Variants in GCC2 observed in about 807,000 individuals in gnomAD.
The protein encoded by GCC2 is GRIP and coiled-coil domain containing 2, also known as GRIP and coiled-coil domain-containing protein 2.
GCC2 carries 120 observed loss-of-function variants against 210.6 expected under a neutral mutation model. The observed-to-expected ratio is 0.57, with a 90% confidence interval of 0.49 to 0.66. The LOEUF (loss-of-function observed/expected upper bound fraction) is 0.66, where lower values mean the gene tolerates loss of function less well. Ranked by LOEUF, GCC2 falls within the 30% of genes least tolerant of loss-of-function variation. GCC2 has a pLI of 0.00. For missense variants in GCC2, 1,868 were observed against 1,871.9 expected (o/e 1.00, Z 0.04); for synonymous variants, 703 against 652.7 (o/e 1.08, Z -1.17).
rs1427602721 is a variant in GCC2 at position 108,470,920 on chromosome 2, G to A, written c.1591G>A (p.Asp531Asn). The A allele has an allele frequency of 1.4e-5, 23 of 1,613,432 alleles. No homozygotes were observed. The highest frequency in any genetic ancestry group is 1.6e-4 in the Middle Eastern group (1 of 6,080). Residue 531 changes from aspartate to asparagine, a missense_variant, in exon 6 of 23, where the codon GAT (aspartate) becomes AAT (asparagine). Coordinates refer to ENST00000309863, the MANE Select transcript of GCC2 (RefSeq NM_181453.4). ...GCTCAGAACTGCTTTTACTGAAAAA[G>A]ATGCCCTTCTCGAAACTGTGAATCG... The part of the protein sequence containing the change: ...QKLRTAFTEK[D>N]ALLETVNRLQ...
intron 4 of GCC2, among the ~76,000 whole-genome samples, chr2:108,461,133 T>C (rs185590330): frequency 6.6e-6 from 1 of 152,364 alleles, no homozygotes; most frequent in East Asian, 1.9e-4. Flanking sequence ...GAGTTTTTCC[T>C]TCAGCATTTT....
intron 6 of GCC2, among the ~76,000 whole-genome samples, chr2:108,472,460 A>G (rs1157633940): frequency 2.0e-5 from 3 of 152,170 alleles, no homozygotes; most frequent in Non-Finnish European, 4.4e-5. Flanking sequence ...TATTTTTTGT[A>G]AAGAGCACTT....
At chr2:108,465,018 G>A (rs1484287119) in intron 4 of GCC2, among the ~76,000 whole-genome samples, 1 of 152,182 alleles carries the variant, frequency 6.6e-6, no homozygotes, top group Non-Finnish European at 1.5e-5. Flanking sequence ...TGAACTCAGA[G>A]TGAGAGCTCA....
intron 21 of GCC2, among the ~76,000 whole-genome samples, chr2:108,499,254 A>G (rs878867237): frequency 6.6e-6 from 1 of 152,140 alleles, no homozygotes; most frequent in Non-Finnish European, 1.5e-5. Flanking sequence ...CAGTGGAGTT[A>G]TATAGCCCAA....
rs561406552 is a variant in GCC2, at chr2:108,509,046, T to G, written c.*1416T>G. 2 of 152,642 alleles carry G rather than the reference T, an allele frequency of 1.3e-5. No homozygotes were observed. The highest frequency in any genetic ancestry group is 2.9e-5 in the Non-Finnish European group (2 of 68,036). 9.5% of individuals were successfully genotyped at this position (152,642 alleles called of 1,614,324 possible). A position where few individuals can be genotyped will look rare whatever the true frequency, so the allele number is the denominator to read the frequency against. ...CATATATCTCATCTTTCCTCCTGTC[T>G]TAGAAGAACAGACCTAACTAGTGAA... is the stretch of plus-strand genomic sequence containing the variant. On this transcript the variant is annotated 3_prime_UTR_variant, in exon 23 of 23. Transcript: ENST00000309863.
At chr2:108,462,531 G>A (rs1680649275) in intron 4 of GCC2, 1 of 118,060 alleles carries the variant, frequency 8.5e-6, no homozygotes, top group South Asian at 2.8e-4. Context: ...TCACTTTATG[G>A]AGTTGCATAT....
chr2:108,492,804 C>T lies in GCC2; in HGVS notation c.4447+14C>T. The T allele has an allele frequency of 6.5e-7, 1 of 1,530,304 alleles. No homozygotes were observed. Among genetic ancestry groups the T allele is most frequent in the African/African-American group, 1.4e-5 (1 of 73,348 alleles). 94.8% of individuals were successfully genotyped at this position (1,530,304 alleles called of 1,614,324 possible). The stretch of plus-strand genomic sequence containing the variant: ...CGACCACAAGAAGTATGTATGTACA[C>T]ATGGAAATATTAGTTGTTCATGTTT... On this transcript the variant is annotated intron_variant, in intron 19 of 22. Coordinates refer to ENST00000309863, the MANE Select transcript of GCC2 (RefSeq NM_181453.4).
intron 22 of GCC2, among the ~76,000 whole-genome samples, chr2:108,501,473 G>A (rs936660870): frequency 1.4e-4 from 21 of 152,102 alleles, no homozygotes; most frequent in Middle Eastern, 3.4e-3. Flanking sequence ...TGGGATGGTG[G>A]ACAAAAACAC....
chr2:108,449,431 T>C, intron 1 of GCC2, 151 bp downstream of exon 1: 1 of 1,393,442 alleles, frequency 7.2e-7, no homozygotes, highest in South Asian at 1.4e-5. Flanking sequence ...GTAAACTCTA[T>C]CCCTGGGGGT....
intron 7 of GCC2, 103 bp from the exon 8 acceptor site, chr2:108,475,432 T>A: frequency 1.9e-6 from 1 of 532,456 alleles, no homozygotes; most frequent in Non-Finnish European, 3.3e-6. Flanking sequence ...TAATATCAAA[T>A]TACCAATTTT....
chr2:108,493,279 G>A (rs1270593616), intron 19 of GCC2: 3 of 491,720 alleles, frequency 6.1e-6, no homozygotes, highest in South Asian at 6.7e-5. Context: ...TAGTAGAGAC[G>A]CAGTTTCACC....
chr2:108,470,163 G>C lies in GCC2; in HGVS notation c.834G>C (p.Glu278Asp), dbSNP rs546753702. Residue 278 changes from glutamate to aspartate, a missense_variant, in exon 6 of 23, where the codon GAG (glutamate) becomes GAC (aspartate). Coordinates refer to ENST00000309863, the MANE Select transcript of GCC2 (RefSeq NM_181453.4). ...TAAATAAGTTGAACGAGCTAAAAGA[G>C]AACTTAGTAAAACAATGTGAGGCAA... ...AEINKLNELK[E>D]NLVKQCEASE... is the part of the protein sequence containing the mutation. 3 of 1,613,604 alleles carry C rather than the reference G, an allele frequency of 1.9e-6. No individual in the cohort carries two copies. The Admixed American group carries it at 5.0e-5, about 27-fold the overall frequency.
chr2:108,505,908 A>G (rs1047239), intron 22 of GCC2, among the ~76,000 whole-genome samples: 8 of 152,182 alleles, frequency 5.3e-5, no homozygotes, highest in African/African-American at 1.9e-4. Flanking sequence ...ACTCTAGAAA[A>G]TTTCCCCATG....
intron 4 of GCC2, among the ~76,000 whole-genome samples, chr2:108,468,271 G>T (rs530835245): frequency 9.2e-5 from 14 of 152,006 alleles, no homozygotes; most frequent in African/African-American, 3.1e-4. Flanking sequence ...TCACCATGTT[G>T]CCCAGGCTGG....
intron 9 of GCC2, among the ~76,000 whole-genome samples, chr2:108,479,055 C>T (rs768551510): frequency 2.0e-5 from 3 of 151,756 alleles, no homozygotes; most frequent in Middle Eastern, 3.2e-3. Flanking sequence ...ATTAGCTGGA[C>T]GTGGTGGCTG....
chr2:108,500,134 C>T (rs1682845799), intron 22 of GCC2, among the ~76,000 whole-genome samples: 2 of 138,122 alleles, frequency 1.4e-5, no homozygotes, highest in Non-Finnish European at 3.1e-5. Context: ...CCTCCAACCC[C>T]AAATAGCCTA....
Position 108,489,967 on chromosome 2 carries a change from C to G in GCC2, c.4182C>G (p.Asn1394Lys), listed in dbSNP as rs143480889. Reference protein sequence around the residue: ...SEHDTLLERHNKMLQETVSKE... With the variant: ...SEHDTLLERHKKMLQETVSKE... ...ATGATACACTGCTAGAAAGGCACAA[C>G]AAGATGCTGCAGGAAACTGTGTCCA... The change falls in exon 18 of 23, where the codon AAC (asparagine) becomes AAG (lysine). Residue 1394 changes from asparagine (N) to lysine (K), a missense_variant. Transcript: ENST00000309863. 5.4e-5 allele frequency: 87 copies of G among 1,610,798 alleles called. No homozygotes were observed. Among genetic ancestry groups the G allele is most frequent in the Non-Finnish European group, 7.0e-5 (83 of 1,178,858 alleles).
intron 3 of GCC2, among the ~76,000 whole-genome samples, chr2:108,452,023 T>C (rs557882034): frequency 1.6e-4 from 24 of 152,240 alleles, no homozygotes; most frequent in Non-Finnish European, 2.6e-4. Flanking sequence ...TTTGTATTTT[T>C]AGTAGAGACG....
chr2:108,475,687 CAA>C (rs761743559), intron 8 of GCC2, 52 bp downstream of exon 8: 53 of 1,458,018 alleles, frequency 3.6e-5, no homozygotes, highest in Non-Finnish European at 4.8e-5. Flanking sequence ...TTTTAAAAAT[CAA>C]GAGTTTTTCT....
Sources: allele counts gnomAD v4.1 joint callset (sites outside exome capture counted in the v4.1 genomes callset), GRCh38; gene constraint gnomAD v4.1.1; transcripts MANE v1.5; gene names NCBI Gene and HGNC (gene_info 2026-07-23, HGNC 2026-07-21).